Variants in DTNB observed in about 807,000 individuals in gnomAD.
DTNB encodes the protein dystrobrevin beta.
Under a neutral mutation model 90.7 loss-of-function variants are expected in DTNB, and 63 were observed. The ratio of observed to expected loss-of-function variants is 0.69; its 90% CI spans 0.57 to 0.86. The LOEUF is 0.86. DTNB is among the 40% of genes least tolerant of loss of function. The pLI is 0.00. For synonymous variants in DTNB, 277 were observed against 286.7 expected (o/e 0.97, Z 0.34); for missense variants, 744 against 807.1 (o/e 0.92, Z 0.95).
chr2:25,488,428 G>C (rs1434354866), intron 9 of DTNB, among the ~76,000 whole-genome samples: 1 of 152,160 alleles, frequency 6.6e-6, no homozygotes, highest in African/African-American at 2.4e-5. Context: ...GGGATGGGTA[G>C]ACAGAATGAG....
Position 25,455,478 on chromosome 2 carries a change from C to T in DTNB, c.1096G>A (p.Asp366Asn), listed in dbSNP as rs1319648676. 1 of 1,606,106 alleles carries T rather than the reference C, an allele frequency of 6.2e-7. No homozygotes were observed. The highest frequency in any genetic ancestry group is 1.1e-5 in the South Asian group (1 of 89,056). Reference protein sequence around the residue: ...TPTKRLQYSQDIPSHLADEHA... With the variant: ...TPTKRLQYSQNIPSHLADEHA... The stretch of plus-strand genomic sequence containing the variant: ...TCATCGGCCAAGTGACTGGGTATAT[C>T]CTGGCTATACTGTAACCTAGGAACA... Residue 366 changes from aspartate to asparagine, a missense_variant, in exon 11 of 21, where the codon GAT becomes AAT. By Grantham distance (23) the Asp-to-Asn change is conservative. Transcript: ENST00000406818.
chr2:25,586,053 A>G (rs957343196), intron 6 of DTNB, among the ~76,000 whole-genome samples: 1 of 152,156 alleles, frequency 6.6e-6, no homozygotes, highest in African/African-American at 2.4e-5. Flanking sequence ...AAATATTCTG[A>G]AATACTATAT....
At chr2:25,628,431 C>A in intron 3 of DTNB, 47 bp from the exon 4 acceptor site, 1 of 1,537,164 alleles carries the variant, frequency 6.5e-7, no homozygotes, top group Non-Finnish European at 8.8e-7. Flanking sequence ...AAGTGTGGTA[C>A]TACCCTTCAC....
intron 3 of DTNB, among the ~76,000 whole-genome samples, chr2:25,634,290 G>T (rs2076584886): frequency 7.6e-6 from 1 of 131,674 alleles, no homozygotes; most frequent in Admixed American, 7.2e-5. Context: ...GAGGTGGGGG[G>T]GTCAGCCCCC....
At chr2:25,465,362 C>T (rs1308752636) in intron 10 of DTNB, among the ~76,000 whole-genome samples, 3 of 136,464 alleles carry the variant, frequency 2.2e-5, no homozygotes, top group South Asian at 2.4e-4. Context: ...GGCGACAGAG[C>T]GAGACTCCGT....
chr2:25,429,957 G>A (rs2053306518), intron 14 of DTNB, among the ~76,000 whole-genome samples: 1 of 152,080 alleles, frequency 6.6e-6, no homozygotes, highest in East Asian at 1.9e-4. Context: ...TGAACCCCAA[G>A]TGCACTTCCA....
At chr2:25,452,166 T>C (rs556715621) in intron 11 of DTNB, among the ~76,000 whole-genome samples, 3 of 152,364 alleles carry the variant, frequency 2.0e-5, no homozygotes, top group Non-Finnish European at 2.9e-5. Flanking sequence ...TCCTTTACTA[T>C]GCTCATTCTA....
At chr2:25,600,184 G>A (rs566475273) in intron 5 of DTNB, among the ~76,000 whole-genome samples, 2 of 152,350 alleles carry the variant, frequency 1.3e-5, no homozygotes, top group African/African-American at 2.4e-5. Flanking sequence ...AACATGGGAG[G>A]TGGCAGACAC....
chr2:25,611,426 C>T (rs1409536655), intron 4 of DTNB, among the ~76,000 whole-genome samples: 3 of 152,142 alleles, frequency 2.0e-5, no homozygotes, highest in Non-Finnish European at 2.9e-5. Context: ...GGATTATATA[C>T]AATCAGCCCT....
chr2:25,576,769 T>C lies in DTNB; in HGVS notation c.876+69A>G, dbSNP rs1352618183. 3 of 1,456,560 alleles carry C rather than the reference T, an allele frequency of 2.1e-6. No homozygotes were observed. In the African/African-American group the frequency reaches 4.3e-5, roughly 21 times the overall value. 90.2% of individuals were successfully genotyped at this position (1,456,560 alleles called of 1,614,324 possible). A position where few individuals can be genotyped will look rare whatever the true frequency, so the allele number is the denominator to read the frequency against. ...ATTTGGTAGGCATCCATGAGGAAAC[T>C]GGCCCAGGTGCTGTTACTGATCAAA... On this transcript the variant is annotated intron_variant, in intron 8 of 20. Transcript: ENST00000406818.
At chr2:25,456,877 T>G (rs2060123121) in intron 10 of DTNB, among the ~76,000 whole-genome samples, 1 of 152,114 alleles carries the variant, frequency 6.6e-6, no homozygotes, top group Non-Finnish European at 1.5e-5. Flanking sequence ...CCCAGTCACC[T>G]TTCTGAAGCT....
intron 9 of DTNB, among the ~76,000 whole-genome samples, chr2:25,519,638 T>G (rs1440156917): frequency 6.6e-6 from 1 of 152,198 alleles, no homozygotes; most frequent in African/African-American, 2.4e-5. Flanking sequence ...CAGTCTGAGA[T>G]GCACCAGTGA....
intron 10 of DTNB, among the ~76,000 whole-genome samples, chr2:25,466,316 C>G (rs1263859320): frequency 2.0e-5 from 3 of 152,172 alleles, no homozygotes; most frequent in African/African-American, 4.8e-5. Context: ...GCCTGGGCAA[C>G]AGAGCAAGAC....
intron 2 of DTNB, among the ~76,000 whole-genome samples, chr2:25,650,927 C>A (rs552802862): frequency 5.2e-4 from 79 of 151,798 alleles, no homozygotes; most frequent in Admixed American, 2.0e-3. Flanking sequence ...CGCCACTGCA[C>A]TCCCGCCTGG....
chr2:25,408,170 G>T (rs1228293924), intron 16 of DTNB, among the ~76,000 whole-genome samples: 1 of 152,164 alleles, frequency 6.6e-6, no homozygotes, highest in South Asian at 2.1e-4. Context: ...TTAGCCGGGT[G>T]TAGTGGTGCA....
chr2:25,381,180 T>C (rs1451598230), intron 19 of DTNB, among the ~76,000 whole-genome samples: 2 of 152,104 alleles, frequency 1.3e-5, no homozygotes, highest in African/African-American at 4.8e-5. Context: ...TAGGATTTGG[T>C]TGGCATGTGC....
chr2:25,662,167 A>C (rs1037683845), intron 1 of DTNB, among the ~76,000 whole-genome samples: 3 of 143,500 alleles, frequency 2.1e-5, no homozygotes, highest in Non-Finnish European at 3.1e-5. Flanking sequence ...AAAAAAAAAA[A>C]ACAAAAAAAA....
At chr2:25,481,551 C>G (rs2064972214) in intron 10 of DTNB, 1 of 152,266 alleles carries the variant, frequency 6.6e-6, no homozygotes, top group Non-Finnish European at 1.5e-5. Context: ...TGGCCTGACT[C>G]TCTTGCTGCT....
Position 25,427,796 on chromosome 2 carries a change from C to G in DTNB, c.1458-165G>C, listed in dbSNP as rs1488373334. Reference sequence around the variant, plus strand: ...AAAATGGTGATAATGTCTGTTTTGCCTACTTCCTGGACTGTTCTGAGAATA... The same window carrying G: ...AAAATGGTGATAATGTCTGTTTTGCGTACTTCCTGGACTGTTCTGAGAATA... On this transcript the variant is annotated intron_variant, in intron 14 of 20. Transcript: ENST00000406818. 6.4e-6 allele frequency: 4 copies of G among 623,800 alleles called. No individual in the cohort carries two copies. The East Asian group carries it at 1.2e-4, about 19-fold the overall frequency. 38.6% of individuals were successfully genotyped at this position (623,800 alleles called of 1,614,324 possible).
Sources: allele counts gnomAD v4.1 joint callset (sites outside exome capture counted in the v4.1 genomes callset), GRCh38; gene constraint gnomAD v4.1.1; transcripts MANE v1.5; gene names NCBI Gene and HGNC (gene_info 2026-07-23, HGNC 2026-07-21).